The following CFDP1 variants were observed in gnomAD, a reference collection of about 807,000 sequenced individuals.
CFDP1 encodes chromatin remodeling protein CFDP1, also known as heterochromatin-stabilizing protein CFDP1.
Under a neutral mutation model 40.1 loss-of-function variants are expected in CFDP1, and 31 were observed. The ratio of observed to expected loss-of-function variants is 0.77; its 90% confidence interval spans 0.58 to 1.04. The LOEUF (loss-of-function observed/expected upper bound fraction) is 1.04. Among genes scored for constraint, CFDP1 ranks in the 50% least tolerant of loss-of-function variants. CFDP1 has a pLI of 0.00. For missense variants in CFDP1, 423 were observed against 343.4 expected, an observed-to-expected ratio of 1.23 and a Z score of -1.83; for synonymous variants, 167 against 120.0, an observed-to-expected ratio of 1.39 and a Z score of -2.56.
At chr16:75,361,934 G>A (rs1179055240) in intron 5 of CFDP1, among the ~76,000 whole-genome samples, 7 of 152,078 alleles carry the variant, frequency 4.6e-5, no homozygotes, top group Non-Finnish European at 8.8e-5. Context: ...AGCTGAAAGC[G>A]TGGCCTCAGG....
At chr16:75,366,606 T>A (rs992413395) in intron 5 of CFDP1, among the ~76,000 whole-genome samples, 2 of 151,814 alleles carry the variant, frequency 1.3e-5, no homozygotes, top group African/African-American at 4.8e-5. Flanking sequence ...CTGGAGTGGA[T>A]AGAGTGAGTG....
intron 5 of CFDP1, among the ~76,000 whole-genome samples, chr16:75,366,451 T>C (rs1457778444): frequency 6.6e-6 from 1 of 152,078 alleles, no homozygotes; most frequent in Non-Finnish European, 1.5e-5. Flanking sequence ...GGTGAAACCC[T>C]GTCTCTACCA....
At position 75,386,064 on chromosome 16, in the gene CFDP1, C is replaced by G. The variant is rs148593739; in HGVS notation, c.650+9026G>C. Among the ~76,000 whole-genome samples the G allele has an allele frequency of 3.3e-5, 5 of 152,192 alleles. No individual in the cohort carries two copies. The East Asian group carries it at 9.7e-4, about 29-fold the overall frequency. ...TTAAAAGTCTGTGATCCTAGCAAAC[C>G]ACCATGGCACATGGATTCCTATGTA... is the stretch of plus-strand genomic sequence containing the variant. On this transcript the variant is annotated intron_variant, in intron 5 of 6. Transcript: ENST00000283882.
At chr16:75,327,066 C>A (rs564237662) in intron 5 of CFDP1, among the ~76,000 whole-genome samples, 1 of 152,054 alleles carries the variant, frequency 6.6e-6, no homozygotes, top group African/African-American at 2.4e-5. Flanking sequence ...GTCAGGAGAT[C>A]GAGACCATCC....
intron 5 of CFDP1, among the ~76,000 whole-genome samples, chr16:75,329,850 A>AT (rs1276274478): frequency 1.3e-5 from 2 of 152,204 alleles, no homozygotes; most frequent in African/African-American, 4.8e-5. Flanking sequence ...AACCATGCTG[A>AT]TGCTAGGGAT....
chr16:75,324,347 C>G (rs1455646251), intron 5 of CFDP1, among the ~76,000 whole-genome samples: 1 of 152,102 alleles, frequency 6.6e-6, no homozygotes, highest in African/African-American at 2.4e-5. Context: ...TAGCATAATG[C>G]CTGGTGCACA....
Position 75,318,255 on chromosome 16 carries a change from T to C in CFDP1, c.651-13073A>G, listed in dbSNP as rs148455700. ...CCACACACTCTCATGAACATTCCCC[T>C]GATCGTTCCCATCAGGGACAACATG... is the stretch of plus-strand genomic sequence containing the variant. On this transcript the variant is annotated intron_variant, in intron 5 of 6. Transcript: ENST00000283882. Among the ~76,000 whole-genome samples, 284 of 152,288 alleles carry C rather than the reference T, an allele frequency of 1.9e-3. 3 individuals carry two copies. Among genetic ancestry groups the C allele is most frequent in the African/African-American group, 6.5e-3 (270 of 41,564 alleles).
In CFDP1 at chr16:75,433,451, C is replaced by T. The variant is rs2079452706; in HGVS notation, c.-99G>A. ...GACCATAGAGCCCCGGCGGCGGCGACGGCAGCTAGGGCGGCCCCCGACAGC... is the reference window on the plus strand; with the variant it reads ...GACCATAGAGCCCCGGCGGCGGCGATGGCAGCTAGGGCGGCCCCCGACAGC... On this transcript the variant is annotated 5_prime_UTR_variant, in exon 1 of 7. Coordinates refer to ENST00000283882, the MANE Select transcript of CFDP1 (RefSeq NM_006324.3). 6 of 1,238,576 alleles carry T rather than the reference C, an allele frequency of 4.8e-6. No homozygotes were observed. The highest frequency in any genetic ancestry group is 5.7e-6 in the Non-Finnish European group (5 of 878,302). The allele number at this position is 1,238,576 out of a possible 1,614,324, so 76.7% of individuals were successfully genotyped here. A position where few individuals can be genotyped will look rare whatever the true frequency, so the allele number is the denominator to read the frequency against.
chr16:75,418,957 G>A (rs2079243469), intron 1 of CFDP1: 1 of 253,512 alleles, frequency 3.9e-6, no homozygotes, highest in Non-Finnish European at 8.4e-6. Flanking sequence ...CTGGGCAACA[G>A]AGCAAGAGCC....
At chr16:75,356,759 G>C (rs1433288466) in intron 5 of CFDP1, among the ~76,000 whole-genome samples, 5 of 152,040 alleles carry the variant, frequency 3.3e-5, no homozygotes, top group Admixed American at 3.3e-4. Context: ...AAAAGAAAAG[G>C]CTGTTTCATT....
intron 1 of CFDP1, among the ~76,000 whole-genome samples, chr16:75,421,163 T>C (rs1386179321): frequency 6.6e-6 from 1 of 152,198 alleles, no homozygotes; most frequent in Non-Finnish European, 1.5e-5. Context: ...CCGGCCCCTC[T>C]TCTTCCTGTG....
intron 5 of CFDP1, among the ~76,000 whole-genome samples, chr16:75,354,105 CT>C (rs2078630684): frequency 6.6e-6 from 1 of 152,182 alleles, no homozygotes; most frequent in African/African-American, 2.4e-5. Flanking sequence ...ATATTCAACA[CT>C]TTATTATAAA....
At chr16:75,316,753 T>C (rs1446090784) in intron 5 of CFDP1, among the ~76,000 whole-genome samples, 1 of 152,096 alleles carries the variant, frequency 6.6e-6, no homozygotes, top group African/African-American at 2.4e-5. Context: ...GCGGATCACC[T>C]GAGGTCAGGA....
intron 5 of CFDP1, among the ~76,000 whole-genome samples, chr16:75,388,553 T>C (rs1200308052): frequency 6.6e-6 from 1 of 152,226 alleles, no homozygotes; most frequent in Non-Finnish European, 1.5e-5. Context: ...CACCCCAGTG[T>C]TACCATAGAT....
intron 5 of CFDP1, among the ~76,000 whole-genome samples, chr16:75,388,043 C>T (rs948927702): frequency 6.6e-6 from 1 of 152,176 alleles, no homozygotes; most frequent in Non-Finnish European, 1.5e-5. Flanking sequence ...AGAATAAGAG[C>T]GAGCAGTGGC....
At chr16:75,373,285 T>C (rs769633076) in intron 5 of CFDP1, among the ~76,000 whole-genome samples, 2 of 152,266 alleles carry the variant, frequency 1.3e-5, no homozygotes, top group Non-Finnish European at 2.9e-5. Context: ...TATATTTAAA[T>C]AATCTCATCT....
chr16:75,352,873 T>C (rs557032626), intron 5 of CFDP1, among the ~76,000 whole-genome samples: 3 of 152,330 alleles, frequency 2.0e-5, no homozygotes, highest in Admixed American at 1.3e-4. Flanking sequence ...AGACCTTATG[T>C]GTCCCAAAAT....
intron 5 of CFDP1, among the ~76,000 whole-genome samples, chr16:75,362,110 A>G (rs2078683683): frequency 6.6e-6 from 1 of 152,234 alleles, no homozygotes; most frequent in Non-Finnish European, 1.5e-5. Context: ...TGCATGATCT[A>G]CACAAATTGG....
intron 5 of CFDP1, among the ~76,000 whole-genome samples, chr16:75,378,306 T>C (rs933446849): frequency 6.6e-6 from 1 of 151,886 alleles, no homozygotes; most frequent in Admixed American, 6.6e-5. Context: ...AACTATGGCA[T>C]GATTAAGCTG....
Sources: allele counts gnomAD v4.1 joint callset (sites outside exome capture counted in the v4.1 genomes callset), GRCh38; gene constraint gnomAD v4.1.1; transcripts MANE v1.5; gene names NCBI Gene and HGNC (gene_info 2026-07-23, HGNC 2026-07-21).